LAMA1: variants seen among roughly 807,000 people sequenced by gnomAD.
LAMA1 encodes laminin subunit alpha 1.
Under a neutral mutation model 348.7 loss-of-function variants are expected in LAMA1, and 219 were observed. That is an observed-to-expected ratio of 0.63 (90% CI 0.56 to 0.70). The LOEUF (loss-of-function observed/expected upper bound fraction) is 0.70. Ranked by LOEUF, LAMA1 falls within the 30% of genes least tolerant of loss-of-function variation. The pLI, the probability that LAMA1 is intolerant of heterozygous loss-of-function variation, is 0.00. For missense variants in LAMA1, 3,744 were observed against 3,888.0 expected (o/e 0.96, Z 0.99); for synonymous variants, 1,487 against 1,491.0 (o/e 1.00, Z 0.06).
intron 37 of LAMA1, among the ~76,000 whole-genome samples, 196 bp from the exon 38 acceptor site, chr18:6,985,839 A>C (rs2057732416): frequency 6.6e-6 from 1 of 151,930 alleles, no homozygotes; most frequent in Admixed American, 6.6e-5. Context: ...GCTCACTACA[A>C]CCTCCATCTC....
intron 1 of LAMA1, among the ~76,000 whole-genome samples, chr18:7,113,379 C>A (rs944998957): frequency 6.6e-6 from 1 of 152,178 alleles, no homozygotes; most frequent in Admixed American, 6.5e-5. Flanking sequence ...TGCTTTACCC[C>A]CAATGTGACA....
rs764530523 is a variant in LAMA1 at position 7,011,986 on chromosome 18, G to T, written c.3507+9C>A. ...TAGAAGCAGAACACTTTCGCTGTGT[G>T]TGACTTACTGGGGTCCTCACGTAGT... On this transcript the variant is annotated intron_variant, in intron 24 of 62. Transcript: ENST00000389658. 1 of 1,599,224 alleles carries T rather than the reference G, an allele frequency of 6.3e-7. No homozygotes were observed. Among genetic ancestry groups the T allele is most frequent in the Non-Finnish European group, 8.5e-7 (1 of 1,171,878 alleles).
rs2057666012 is a variant in LAMA1, at chr18:6,973,132, G to A, written c.6699C>T (p.Ser2233=). ...CATCCAGAACATTAGCTGTCCCAGG[G>A]GATTTACTTGTTTTTGTTGGTGACT... ...NQKSPTKTSK[S]PGTANVLDVN... Residue 2233 remains serine (S), a synonymous_variant, in exon 47 of 63, where the codon TCC becomes TCT. Transcript: ENST00000389658. The A allele has an allele frequency of 6.2e-7, 1 of 1,613,800 alleles. No individual in the cohort carries two copies. The highest frequency in any genetic ancestry group is 1.1e-5 in the South Asian group (1 of 91,080).
chr18:7,102,355 G>A (rs1334543509), intron 1 of LAMA1, among the ~76,000 whole-genome samples: 1 of 151,732 alleles, frequency 6.6e-6, no homozygotes, highest in African/African-American at 2.4e-5. Context: ...CAGAACGCCT[G>A]GAGGAGAACA....
At position 6,978,370 on chromosome 18, in the gene LAMA1, C is replaced by T. The variant is rs1235300818; in HGVS notation, c.6016G>A (p.Asp2006Asn). Reference sequence around the variant, plus strand: ...AGCTCTTTGGTTTTGGCTCCCTTGTCTCTTATACCTAAAATAAATGTATAT... The same window carrying T: ...AGCTCTTTGGTTTTGGCTCCCTTGTTTCTTATACCTAAAATAAATGTATAT... ...ILRAIPKGIRDKGAKTKELAT... is the reference protein window; with the variant it reads ...ILRAIPKGIRNKGAKTKELAT... Residue 2006 changes from aspartate (D) to asparagine (N), a missense_variant, in exon 43 of 63, where the codon GAC becomes AAC. Asp to Asn is a conservative substitution (Grantham distance 23). This residue lies in a region of LAMA1 where 1,983 missense variants were observed against 1,934.3 expected (regional missense o/e 1.03). Coordinates refer to ENST00000389658, the MANE Select transcript of LAMA1 (RefSeq NM_005559.4). The T allele has an allele frequency of 1.2e-6, 2 of 1,613,942 alleles. No individual in the cohort carries two copies. The highest frequency in any genetic ancestry group is 2.7e-5 in the African/African-American group (2 of 74,942).
Position 7,034,581 on chromosome 18 carries a change from CTGTGAAA to C in LAMA1, c.1942_1948del (p.Phe648AlafsTer10), listed in dbSNP as rs754361205. The stretch of plus-strand genomic sequence containing the variant: ...CTGGTCACGATCAATCTGCCTTTTG[CTGTGAAA>C]ATCTTGGAAGTTTTCAGGCACAAGT... On this transcript the variant is annotated frameshift_variant, in exon 14 of 63. Coordinates refer to ENST00000389658, the MANE Select transcript of LAMA1 (RefSeq NM_005559.4). LOFTEE classifies it high-confidence loss of function. The C allele has an allele frequency of 3.1e-6, 5 of 1,614,130 alleles. No individual in the cohort carries two copies. Among genetic ancestry groups the C allele is most frequent in the Non-Finnish European group, 4.2e-6 (5 of 1,180,014 alleles).
At chr18:7,115,223 A>G (rs2058350798) in intron 1 of LAMA1, among the ~76,000 whole-genome samples, 1 of 152,204 alleles carries the variant, frequency 6.6e-6, no homozygotes, top group African/African-American at 2.4e-5. Context: ...TTTGAATACT[A>G]TGTCATATAT....
intron 46 of LAMA1, among the ~76,000 whole-genome samples, 188 bp from the exon 47 acceptor site, chr18:6,973,395 A>C (rs997503577): frequency 6.6e-6 from 1 of 152,146 alleles, no homozygotes; most frequent in Non-Finnish European, 1.5e-5. Context: ...TCCGAAACAG[A>C]AATTTCATCA....
At chr18:6,981,414 C>G (rs1262487083) in intron 41 of LAMA1, among the ~76,000 whole-genome samples, 1 of 152,192 alleles carries the variant, frequency 6.6e-6, no homozygotes, top group Non-Finnish European at 1.5e-5. Flanking sequence ...CTATTCCCTT[C>G]TGGCCACCCA....
chr18:7,102,509 C>T (rs2058295600), intron 1 of LAMA1, among the ~76,000 whole-genome samples: 1 of 152,050 alleles, frequency 6.6e-6, no homozygotes, highest in African/African-American at 2.4e-5. Flanking sequence ...ATTTTGAAGT[C>T]ATATTCTTTA....
chr18:6,964,901 C>T, intron 50 of LAMA1, 98 bp from the exon 51 acceptor site: 1 of 1,353,364 alleles, frequency 7.4e-7, no homozygotes, highest in African/African-American at 1.4e-5. Flanking sequence ...TTTACAAATG[C>T]ATATTCTTTT....
chr18:7,012,077 T>C lies in LAMA1; in HGVS notation c.3425A>G (p.Asp1142Gly). Residue 1142 changes from aspartate (D) to glycine (G), a missense_variant, in exon 24 of 63, where the codon GAC (aspartate) becomes GGC (glycine). Physicochemically the swap from Asp to Gly is moderately conservative, Grantham distance 94. Transcript: ENST00000389658. ...CREGTFALRA[D>G]NPLGCSPCFC... ...GCACGGGCTGCAGCCCAGGGGGTTG[T>C]CTGCGCGGAGAGCGAAGGTGCCCTC... is the stretch of plus-strand genomic sequence containing the variant. 1 of 1,613,334 alleles carries C rather than the reference T, an allele frequency of 6.2e-7. No individual in the cohort carries two copies. Among genetic ancestry groups the C allele is most frequent in the Non-Finnish European group, 8.5e-7 (1 of 1,179,630 alleles).
chr18:7,099,647 A>G (rs2058283257), intron 1 of LAMA1, among the ~76,000 whole-genome samples: 1 of 152,028 alleles, frequency 6.6e-6, no homozygotes, highest in Admixed American at 6.6e-5. Context: ...TATGACACCA[A>G]AAGAATAACC....
In LAMA1 at chr18:6,972,170, T is replaced by C. The variant is rs186325346; in HGVS notation, c.6775-189A>G. ...TCAGTTATGAAGTGGAATCCTAGAA[T>C]GAGTAACAACTGGGCAGGATCTTAA... On this transcript the variant is annotated intron_variant, in intron 47 of 62. Coordinates refer to ENST00000389658, the MANE Select transcript of LAMA1 (RefSeq NM_005559.4). 3.7e-4 allele frequency: 227 copies of C among 605,930 alleles called. 6 individuals are homozygous for C. In the Admixed American group the frequency reaches 5.5e-3, roughly 15 times the overall value. The allele number at this position is 605,930 out of a possible 1,614,324, so 37.5% of individuals were successfully genotyped here.
At chr18:7,009,863 G>C (rs755546344) in intron 26 of LAMA1, among the ~76,000 whole-genome samples, 1 of 152,164 alleles carries the variant, frequency 6.6e-6, no homozygotes, top group Non-Finnish European at 1.5e-5. Context: ...CTGGAGTACA[G>C]TGGCACAATC....
chr18:6,947,129 G>A (rs371836853), intron 61 of LAMA1, 34 bp downstream of exon 61: 217 of 1,605,070 alleles, frequency 1.4e-4, no homozygotes, highest in South Asian at 8.7e-4. Flanking sequence ...TGACACTGGG[G>A]GGAGGAAGAC....
At chr18:7,117,625 G>C in intron 1 of LAMA1, 35 bp downstream of exon 1, 1 of 1,589,336 alleles carries the variant, frequency 6.3e-7, no homozygotes. Flanking sequence ...CCCGCCTGCG[G>C]GGGACAGGGA....
In LAMA1 at chr18:7,049,113, C is replaced by T; in HGVS notation, c.733G>A (p.Glu245Lys). 1 of 1,614,088 alleles carries T rather than the reference C, an allele frequency of 6.2e-7. No homozygotes were observed. Among genetic ancestry groups the T allele is most frequent in the Middle Eastern group, 1.6e-4 (1 of 6,062 alleles). Residue 245 changes from glutamate (E) to lysine (K), a missense_variant, in exon 5 of 63, where the codon GAA becomes AAA. Physicochemically the swap from Glu to Lys is moderately conservative, Grantham distance 56. Transcript: ENST00000389658. ...NADLMTLSHR[E>K]PKELDPIVTR... ...ACAATAGGATCCAGTTCTTTAGGTT[C>T]CCGGTGGCTAAGGGTCATGAGATCT...
intron 7 of LAMA1, among the ~76,000 whole-genome samples, chr18:7,043,686 C>T (rs1219392368): frequency 6.6e-6 from 1 of 152,152 alleles, no homozygotes; most frequent in African/African-American, 2.4e-5. Flanking sequence ...CAGGGTTAAT[C>T]ACTGCACCAT....
Sources: allele counts gnomAD v4.1 joint callset (sites outside exome capture counted in the v4.1 genomes callset), GRCh38; gene constraint gnomAD v4.1.1; regional missense constraint gnomAD v4.1.1; transcripts MANE v1.5; gene names NCBI Gene and HGNC (gene_info 2026-07-23, HGNC 2026-07-21).